SMCHD1: variants seen among roughly 807,000 people sequenced by gnomAD.
SMCHD1 encodes structural maintenance of chromosomes flexible hinge domain-containing protein 1.
A neutral mutation model predicts 254.7 loss-of-function variants in SMCHD1; 78 were observed. That is an observed-to-expected ratio of 0.31 (90% CI 0.26 to 0.37). The LOEUF is 0.37. Among genes scored for constraint, SMCHD1 ranks in the 10% least tolerant of loss-of-function variants. The probability of loss-of-function intolerance (pLI) is 1.00; values close to 1 mark genes in which losing one functional copy is unlikely to be tolerated. For missense variants in SMCHD1, 1,840 were observed against 2,408.1 expected, an observed-to-expected ratio of 0.76 and a Z score of 4.94; for synonymous variants, 766 against 794.9, an observed-to-expected ratio of 0.96 and a Z score of 0.61.
At chr18:2,690,259 A>G (rs895331995) in intron 7 of SMCHD1, among the ~76,000 whole-genome samples, 1 of 152,216 alleles carries the variant, frequency 6.6e-6, no homozygotes, top group African/African-American at 2.4e-5. Flanking sequence ...CCATTATAAA[A>G]TATTTTGATA....
At chr18:2,688,964 T>C (rs2143054676) in intron 7 of SMCHD1, among the ~76,000 whole-genome samples, 1 of 152,290 alleles carries the variant, frequency 6.6e-6, no homozygotes, top group African/African-American at 2.4e-5. Context: ...TAAGCTTTTT[T>C]CCCTGGTCTG....
intron 17 of SMCHD1, 110 bp downstream of exon 17, chr18:2,708,030 A>G: frequency 1.7e-6 from 1 of 578,396 alleles, no homozygotes; most frequent in Non-Finnish European, 2.8e-6. Flanking sequence ...GGCATAGCAA[A>G]TTTTATTGAA....
chr18:2,694,795 T>C (rs1192677864), intron 8 of SMCHD1, 102 bp downstream of exon 8: 2 of 979,386 alleles, frequency 2.0e-6, no homozygotes, highest in African/African-American at 1.6e-5. Flanking sequence ...GTTTTGCTCC[T>C]GTCTCATTTT....
chr18:2,676,758 T>C (rs1428214192), intron 5 of SMCHD1, among the ~76,000 whole-genome samples: 1 of 152,196 alleles, frequency 6.6e-6, no homozygotes, highest in African/African-American at 2.4e-5. Flanking sequence ...GTCACATTTA[T>C]GATCTGTCTA....
At chr18:2,661,575 T>C (rs902721335) in intron 1 of SMCHD1, among the ~76,000 whole-genome samples, 1 of 149,860 alleles carries the variant, frequency 6.7e-6, no homozygotes. Flanking sequence ...AACATCTGGG[T>C]TTTTAATATG....
intron 7 of SMCHD1, chr18:2,691,804 G>A (rs2074186577): frequency 6.6e-6 from 1 of 152,234 alleles, no homozygotes; most frequent in African/African-American, 2.4e-5. Context: ...CCACCACTGG[G>A]TCTGGGATTC....
Position 2,674,079 on chromosome 18 carries a change from C to T in SMCHD1, c.572C>T (p.Ser191Phe). 1 of 1,604,334 alleles carries T rather than the reference C, an allele frequency of 6.2e-7. No individual in the cohort carries two copies. Among genetic ancestry groups the T allele is most frequent in the Non-Finnish European group, 8.5e-7 (1 of 1,174,918 alleles). ...AVIDNGRGMT[S>F]KQLNNWAVYR... ...ATAGATAATGGAAGAGGAATGACCT[C>T]TAAACAGCTTAACAACTGGGCCGTG... Residue 191 changes from serine to phenylalanine, a missense_variant, in exon 5 of 48, where the codon TCT becomes TTT. By Grantham distance (155) the Ser-to-Phe change is radical. Coordinates refer to ENST00000320876, the MANE Select transcript of SMCHD1 (RefSeq NM_015295.3).
At chr18:2,799,178 A>G (rs907373469) in intron 47 of SMCHD1, among the ~76,000 whole-genome samples, 3 of 152,234 alleles carry the variant, frequency 2.0e-5, no homozygotes, top group Non-Finnish European at 4.4e-5. Flanking sequence ...ATTAATTTTA[A>G]TAATAGATAT....
chr18:2,741,133 C>T (rs1456796738), intron 28 of SMCHD1, among the ~76,000 whole-genome samples: 1 of 152,066 alleles, frequency 6.6e-6, no homozygotes, highest in Non-Finnish European at 1.5e-5. Context: ...GATAGCTTTT[C>T]ATAGTAGCTG....
intron 7 of SMCHD1, among the ~76,000 whole-genome samples, chr18:2,694,090 A>T (rs1214179469): frequency 6.6e-6 from 1 of 152,194 alleles, no homozygotes; most frequent in Non-Finnish European, 1.5e-5. Flanking sequence ...GTTTGGGCTT[A>T]GCTAGCTGGG....
intron 45 of SMCHD1, 144 bp downstream of exon 45, chr18:2,784,765 CT>C: frequency 1.1e-6 from 1 of 914,104 alleles, no homozygotes; most frequent in Admixed American, 2.2e-5. Flanking sequence ...TTGTCTACTA[CT>C]TTCAGCTTTT....
intron 35 of SMCHD1, among the ~76,000 whole-genome samples, chr18:2,761,453 AT>A (rs2075782007): frequency 6.6e-6 from 1 of 152,218 alleles, no homozygotes; most frequent in Non-Finnish European, 1.5e-5. Context: ...TTAAAAATAA[AT>A]AGTATTTCAG....
At position 2,705,678 on chromosome 18, in the gene SMCHD1, A is replaced by T. The variant is rs569911568; in HGVS notation, c.1843-16A>T. On this transcript the variant is annotated splice_polypyrimidine_tract_variant and intron_variant, in intron 13 of 47. Coordinates refer to ENST00000320876, the MANE Select transcript of SMCHD1 (RefSeq NM_015295.3). ...TAATACTGAAGCTTTTTTTTTTTTT[A>T]AAAACTAAATATTAGGTCAAGACAA... 3.4e-4 allele frequency: 426 copies of T among 1,247,742 alleles called. 1 individual carries two copies. The highest frequency in any genetic ancestry group is 5.3e-4 in the Admixed American group (22 of 41,546). The allele number at this position is 1,247,742 out of a possible 1,614,324, so 77.3% of individuals were successfully genotyped here.
intron 7 of SMCHD1, among the ~76,000 whole-genome samples, chr18:2,693,577 T>C (rs557133721): frequency 7.9e-5 from 12 of 152,368 alleles, no homozygotes; most frequent in Admixed American, 2.0e-4. Flanking sequence ...GACATATGAC[T>C]GTATATGAAT....
chr18:2,669,905 A>G (rs1401402477), intron 3 of SMCHD1, among the ~76,000 whole-genome samples: 2 of 152,020 alleles, frequency 1.3e-5, no homozygotes, highest in African/African-American at 4.8e-5. Context: ...TACCTCTCAT[A>G]CCTCTTAATC....
At chr18:2,658,045 C>T (rs1287730455) in intron 1 of SMCHD1, among the ~76,000 whole-genome samples, 2 of 152,108 alleles carry the variant, frequency 1.3e-5, no homozygotes, top group African/African-American at 4.8e-5. Flanking sequence ...CACCCGCCTC[C>T]CAAAGTGCTG....
Position 2,771,589 on chromosome 18 carries a change from C to A in SMCHD1, c.5023C>A (p.His1675Asn). 1 of 1,568,256 alleles carries A rather than the reference C, an allele frequency of 6.4e-7. No individual in the cohort carries two copies. ...CCAATTGCGAAATGAACTAAAAATA[C>A]ATAATATTGACATTCCTACAACACA... ...EAQLRNELKI[H>N]NIDIPTTQQV... The change falls in exon 40 of 48, where the codon CAT becomes AAT. Residue 1675 changes from histidine (H) to asparagine (N), a missense_variant. Around this residue, in one of 9 missense-constraint regions of SMCHD1, gnomAD observed 881 missense variants for 1,009.5 expected, o/e 0.87. Coordinates refer to ENST00000320876, the MANE Select transcript of SMCHD1 (RefSeq NM_015295.3).
At chr18:2,769,599 T>TA in intron 37 of SMCHD1, 95 bp from the exon 38 acceptor site, 1 of 1,353,592 alleles carries the variant, frequency 7.4e-7, no homozygotes, top group Non-Finnish European at 1.0e-6. Flanking sequence ...ATTAACCACT[T>TA]ACTTGAAAAC....
chr18:2,723,963 T>C (rs574046894), intron 20 of SMCHD1, among the ~76,000 whole-genome samples: 1 of 152,104 alleles, frequency 6.6e-6, no homozygotes, highest in East Asian at 1.9e-4. Context: ...CTGTCCTGTT[T>C]TCTAGCAGAT....
Sources: gnomAD v4.1 joint callset for allele counts (sites outside exome capture counted in the v4.1 genomes callset) on GRCh38, gnomAD v4.1.1 for gene constraint, gnomAD v4.1.1 regional missense constraint, MANE v1.5 for transcripts, NCBI Gene and HGNC (gene_info 2026-07-23, HGNC 2026-07-21) for gene names.